The following CHRNA5 variants were observed in gnomAD, a reference collection of about 807,000 sequenced individuals.
CHRNA5 encodes neuronal acetylcholine receptor subunit alpha-5.
A neutral mutation model predicts 41.2 loss-of-function variants in CHRNA5; 28 were observed. The observed-to-expected ratio is 0.68, with a 90% CI of 0.50 to 0.93. CHRNA5 has a LOEUF of 0.93. Among genes scored for constraint, CHRNA5 ranks in the 40% least tolerant of loss-of-function variants. The probability of loss-of-function intolerance (pLI) is 0.00; values close to 1 mark genes in which losing one functional copy is unlikely to be tolerated. For missense variants in CHRNA5, 481 were observed against 581.9 expected, an observed-to-expected ratio of 0.83 and a Z score of 1.78; for synonymous variants, 188 against 205.8, an observed-to-expected ratio of 0.91 and a Z score of 0.74.
In CHRNA5 at chr15:78,580,888, G is replaced by A. The variant is rs1258701597; in HGVS notation, c.184G>A (p.Val62Ile). 1.9e-6 allele frequency: 3 copies of A among 1,613,674 alleles called. No individual in the cohort carries two copies. In the East Asian group the frequency reaches 6.7e-5, roughly 36 times the overall value. ...TTTATTTCAAGACTACGAAAGATGG[G>A]TTCGTCCTGTGGAACACCTGAATGA... Residue 62 changes from valine (V) to isoleucine (I), a missense_variant, in exon 2 of 6, where the codon GTT becomes ATT. Physicochemically the swap from Val to Ile is conservative, Grantham distance 29. Coordinates refer to ENST00000299565, the Ensembl canonical transcript of CHRNA5.
intron 2 of CHRNA5, among the ~76,000 whole-genome samples, chr15:78,585,251 GA>G (rs2052948551): frequency 6.6e-6 from 1 of 152,182 alleles, no homozygotes; most frequent in South Asian, 2.1e-4. Flanking sequence ...TTGCTCTTTG[GA>G]ACTGCAGTGT....
chr15:78,574,081 G>T (rs1157089014), intron 1 of CHRNA5, among the ~76,000 whole-genome samples: 1 of 148,306 alleles, frequency 6.7e-6, no homozygotes, highest in Admixed American at 6.9e-5. Flanking sequence ...CCAAAGTGCT[G>T]GGATTACAGG....
exon 6 of CHRNA5, chr15:78,593,163 A>G (rs1190043614): frequency 5.0e-6 from 8 of 1,613,660 alleles, no homozygotes; most frequent in Non-Finnish European, 6.8e-6. Flanking sequence ...TTTTCGTTTC[A>G]ATTGTTGGAT....
intron 1 of CHRNA5, 95 bp downstream of exon 1, chr15:78,565,920 T>G: frequency 1.5e-6 from 1 of 662,246 alleles, no homozygotes; most frequent in East Asian, 4.1e-5. Context: ...CCGGAAAACC[T>G]GGTTGCGAGG....
rs745841148 is a variant in CHRNA5, at chr15:78,590,594, CTACAT to C, written c.1208_1212del (p.Ile403LysfsTer8). On this transcript the variant is annotated frameshift_variant, in exon 5 of 6. Coordinates refer to ENST00000299565, the Ensembl canonical transcript of CHRNA5. LOFTEE classifies it high-confidence loss of function. Reference sequence around the variant, plus strand: ...TGGAAGCTGCGCTCGATTCTATTCGCTACATTACAAGACACATCATGAAGGAAAAT... The same window carrying C: ...TGGAAGCTGCGCTCGATTCTATTCGCTACAAGACACATCATGAAGGAAAAT... 41 of 1,613,986 alleles carry C rather than the reference CTACAT, an allele frequency of 2.5e-5. No homozygotes were observed. Among genetic ancestry groups the C allele is most frequent in the South Asian group, 7.7e-5 (7 of 91,078 alleles).
chr15:78,568,834 G>A (rs764394933), intron 1 of CHRNA5, among the ~76,000 whole-genome samples: 1 of 152,100 alleles, frequency 6.6e-6, no homozygotes, highest in Non-Finnish European at 1.5e-5. Flanking sequence ...ATGGCTGCAC[G>A]CTATGTGACA....
intron 1 of CHRNA5, among the ~76,000 whole-genome samples, chr15:78,578,470 G>A (rs934798815): frequency 1.3e-5 from 2 of 152,182 alleles, no homozygotes; most frequent in African/African-American, 4.8e-5. Flanking sequence ...TCACACCACT[G>A]CACTCCAGCC....
chr15:78,590,727 C>T, intron 5 of CHRNA5, 91 bp downstream of exon 5: 1 of 1,031,420 alleles, frequency 9.7e-7, no homozygotes, highest in Non-Finnish European at 1.4e-6. Flanking sequence ...ACAGCATGAC[C>T]CTTAAGTAAG....
chr15:78,592,319 C>T (rs956167458), intron 5 of CHRNA5, among the ~76,000 whole-genome samples: 1 of 152,156 alleles, frequency 6.6e-6, no homozygotes, highest in Non-Finnish European at 1.5e-5. Context: ...AAGGCTCTGT[C>T]TCAAAATAAA....
chr15:78,580,948 C>G, exon 2 of CHRNA5: 1 of 1,613,364 alleles, frequency 6.2e-7, no homozygotes, highest in Middle Eastern at 1.7e-4. Context: ...TGCAATATCT[C>G]AATTGGTGGA....
Position 78,586,699 on chromosome 15 carries a change from T to C in CHRNA5, c.303+10T>C, listed in dbSNP as rs966240090. On this transcript the variant is annotated intron_variant, in intron 3 of 5. Coordinates refer to ENST00000299565, the Ensembl canonical transcript of CHRNA5. ...CGTCTGGTTGAAACAGGTATGTGTG[T>C]AAAATTCAAACGGGCACCCAATTAG... 1 of 1,599,802 alleles carries C rather than the reference T, an allele frequency of 6.3e-7. No individual in the cohort carries two copies. Among genetic ancestry groups the C allele is most frequent in the Non-Finnish European group, 8.5e-7 (1 of 1,171,450 alleles).
chr15:78,583,018 C>T (rs2052927508), intron 2 of CHRNA5, among the ~76,000 whole-genome samples: 1 of 152,046 alleles, frequency 6.6e-6, no homozygotes, highest in Non-Finnish European at 1.5e-5. Flanking sequence ...ACAGCCTCTC[C>T]TGTGTTCAAA....
intron 1 of CHRNA5, among the ~76,000 whole-genome samples, chr15:78,566,615 CAGA>C (rs1442818422): frequency 6.6e-6 from 1 of 152,210 alleles, no homozygotes; most frequent in Admixed American, 6.5e-5. Flanking sequence ...GATATGATTA[CAGA>C]AGTTCACTAC....
In CHRNA5 at chr15:78,583,411, C is replaced by T. The variant is rs962377956; in HGVS notation, c.258+2449C>T. ...GAGTAACACATTTGAAAAATACTGT[C>T]GGCCGGGCACAGTGGCTCACGCCTG... On this transcript the variant is annotated intron_variant, in intron 2 of 5. Transcript: ENST00000299565. Among the ~76,000 whole-genome samples, 4 of 152,148 alleles carry T rather than the reference C, an allele frequency of 2.6e-5. No individual in the cohort carries two copies. The East Asian group carries it at 5.8e-4, about 22-fold the overall frequency.
chr15:78,581,374 G>C (rs1007376749), intron 2 of CHRNA5, among the ~76,000 whole-genome samples: 1 of 152,094 alleles, frequency 6.6e-6, no homozygotes, highest in Non-Finnish European at 1.5e-5. Context: ...TCATTATCTT[G>C]GGCTCACACT....
At chr15:78,578,114 T>C (rs566952045) in intron 1 of CHRNA5, among the ~76,000 whole-genome samples, 1 of 152,344 alleles carries the variant, frequency 6.6e-6, no homozygotes, top group African/African-American at 2.4e-5. Context: ...TTTTCTAAAT[T>C]AATCTAAATA....
chr15:78,594,052 TAAC>T (rs1459169632), exon 6 of CHRNA5: 2 of 152,010 alleles, frequency 1.3e-5, no homozygotes, highest in East Asian at 3.9e-4. Context: ...ATAATAATAA[TAAC>T]AACAACTTAA....
chr15:78,580,977 C>A lies in CHRNA5; in HGVS notation c.258+15C>A. On this transcript the variant is annotated intron_variant, in intron 2 of 5. Coordinates refer to ENST00000299565, the Ensembl canonical transcript of CHRNA5. The stretch of plus-strand genomic sequence containing the variant: ...TGGTGGATGTGGTAGGTGTGCATAT[C>A]CTTCTATAGTCAATTTCCCACAGAT... 6.2e-7 allele frequency: 1 copy of A among 1,606,994 alleles called. No individual in the cohort carries two copies. The highest frequency in any genetic ancestry group is 8.5e-7 in the Non-Finnish European group (1 of 1,178,364).
At position 78,588,559 on chromosome 15, in the gene CHRNA5, A is replaced by T; in HGVS notation, c.413+136A>T. The T allele has an allele frequency of 2.1e-6, 1 of 473,574 alleles. No homozygotes were observed. Among genetic ancestry groups the T allele is most frequent in the Non-Finnish European group, 3.7e-6 (1 of 268,752 alleles). 29.3% of individuals were successfully genotyped at this position (473,574 alleles called of 1,614,324 possible). A position where few individuals can be genotyped will look rare whatever the true frequency, so the allele number is the denominator to read the frequency against. On this transcript the variant is annotated intron_variant, in intron 4 of 5. Transcript: ENST00000299565. This position sits in a 1 kb window ranked among gnomAD's most constrained non-coding sequence, Gnocchi z 4.1. ...ATGACATGACCGCATGTGCCTGGGT[A>T]TGATTACATGTTTTATAGATGAGGA...
Sources: allele counts gnomAD v4.1 joint callset (sites outside exome capture counted in the v4.1 genomes callset), GRCh38; gene constraint gnomAD v4.1.1; non-coding constraint Gnocchi (gnomAD v3.1); transcripts MANE v1.5; gene names NCBI Gene and HGNC (gene_info 2026-07-23, HGNC 2026-07-21).